GTPBP1: variants seen among roughly 807,000 people sequenced by gnomAD.
The protein encoded by GTPBP1 is GTP-binding protein 1.
Under a neutral mutation model 62.0 loss-of-function variants are expected in GTPBP1, and 23 were observed. The ratio of observed to expected loss-of-function variants is 0.37; its 90% CI spans 0.27 to 0.53. The LOEUF (loss-of-function observed/expected upper bound fraction) is 0.53. Ranked by LOEUF, GTPBP1 falls within the 20% of genes least tolerant of loss-of-function variation. The pLI is 0.89. For synonymous variants in GTPBP1, 344 were observed against 364.4 expected, an observed-to-expected ratio of 0.94 and a Z score of 0.64; for missense variants, 640 against 917.3, an observed-to-expected ratio of 0.70 and a Z score of 3.90.
intron 1 of GTPBP1, among the ~76,000 whole-genome samples, 153 bp downstream of exon 1, chr22:38,706,300 G>T (rs2092603937): frequency 6.6e-6 from 1 of 152,170 alleles, no homozygotes; most frequent in African/African-American, 2.4e-5. Flanking sequence ...TCTCCGGGAC[G>T]TGCGGGGGTT....
downstream of GTPBP1, chr22:38,741,480 G>A (rs377107390): frequency 1.9e-5 from 31 of 1,613,094 alleles, no homozygotes; most frequent in Middle Eastern, 1.6e-4. Context: ...CCTGAGTGCC[G>A]CAAGCCCGCT....
downstream of GTPBP1, chr22:38,736,595 C>CA (rs1464820889): frequency 2.4e-6 from 1 of 419,712 alleles, no homozygotes; most frequent in Non-Finnish European, 4.2e-6. Flanking sequence ...TAGCACACTT[C>CA]ATCTGAAACC....
chr22:38,725,853 T>G, intron 6 of GTPBP1, 153 bp from the exon 7 acceptor site: 1 of 719,038 alleles, frequency 1.4e-6, no homozygotes, highest in Non-Finnish European at 2.4e-6. Context: ...GGCAAAGAGG[T>G]CAAGCCCTTG....
At chr22:38,721,688 CA>C (rs1473450475) in intron 4 of GTPBP1, 53 bp from the exon 5 acceptor site, 2 of 1,561,572 alleles carry the variant, frequency 1.3e-6, no homozygotes, top group Non-Finnish European at 1.8e-6. Flanking sequence ...TGTGTCCACC[CA>C]GCAGCAATCT....
At chr22:38,725,954 G>A (rs2092724403) in intron 6 of GTPBP1, 52 bp from the exon 7 acceptor site, 2 of 1,577,226 alleles carry the variant, frequency 1.3e-6, no homozygotes, top group East Asian at 4.5e-5. Flanking sequence ...GGCAGGACCT[G>A]GTCTCCTGAG....
At position 38,708,922 on chromosome 22, in the gene GTPBP1, C is replaced by A; in HGVS notation, c.270C>A (p.Cys90Ter). The change falls in exon 2 of 12, where the codon TGC becomes TGA. Residue 90 changes from cysteine to a stop codon, truncating the protein, a stop_gained. Transcript: ENST00000216044. LOFTEE classifies it high-confidence loss of function. ...RQMWERMDEG[C>*]GETIYVIGQG... ...TGTGGGAGAGGATGGACGAGGGATG[C>A]GGAGAGACCATATATGTCATTGGGC... 1 of 1,603,476 alleles carries A rather than the reference C, an allele frequency of 6.2e-7. No homozygotes were observed. The highest frequency in any genetic ancestry group is 8.5e-7 in the Non-Finnish European group (1 of 1,170,254).
chr22:38,729,649 A>G lies in GTPBP1; in HGVS notation c.1904A>G (p.Asn635Ser). 6.7e-7 allele frequency: 1 copy of G among 1,502,394 alleles called. No individual in the cohort carries two copies. Among genetic ancestry groups the G allele is most frequent in the South Asian group, 1.4e-5 (1 of 74,006 alleles). 93.1% of individuals were successfully genotyped at this position (1,502,394 alleles called of 1,614,324 possible). The change falls in exon 11 of 12, where the codon AAT becomes AGT. Residue 635 changes from asparagine to serine, a missense_variant. Physicochemically the swap from Asn to Ser is conservative, Grantham distance 46. This residue lies in a region of GTPBP1 where 117 missense variants were observed against 107.1 expected (regional missense o/e 1.09). Transcript: ENST00000216044. ...VGAGQPAASS[N>S]LQPQPKPSSG... ...GCAGGGCAACCAGCTGCGTCCAGCA[A>G]TCTCCAGCCTCAGGTGAGCACGGGC...
chr22:38,721,369 T>C (rs1191043090), intron 4 of GTPBP1, among the ~76,000 whole-genome samples: 2 of 152,042 alleles, frequency 1.3e-5, no homozygotes, highest in Admixed American at 6.6e-5. Context: ...TGAGCCACCG[T>C]GCCCAGCCTT....
intron 4 of GTPBP1, among the ~76,000 whole-genome samples, chr22:38,721,277 C>T (rs2092699217): frequency 6.6e-6 from 1 of 152,204 alleles, no homozygotes; most frequent in Non-Finnish European, 1.5e-5. Context: ...AGGGTTTCTC[C>T]ATGTTGTTCA....
chr22:38,708,697 C>T, intron 1 of GTPBP1, 148 bp from the exon 2 acceptor site: 2 of 601,044 alleles, frequency 3.3e-6, no homozygotes, highest in South Asian at 3.9e-5. Context: ...TCAGGAGAAG[C>T]AGAGAGGGCA....
At chr22:38,717,764 G>C (rs2092678839) in intron 4 of GTPBP1, among the ~76,000 whole-genome samples, 1 of 152,180 alleles carries the variant, frequency 6.6e-6, no homozygotes, top group African/African-American at 2.4e-5. Flanking sequence ...TCCCTGGACA[G>C]ACAGTGGGAG....
chr22:38,723,643 G>T, intron 5 of GTPBP1: 1 of 433,738 alleles, frequency 2.3e-6, no homozygotes, highest in Non-Finnish European at 4.1e-6. Context: ...CCTCTTCCTT[G>T]TTCCTTCTGG....
chr22:38,733,810 G>A (rs2092777798), downstream of GTPBP1, among the ~76,000 whole-genome samples: 1 of 152,236 alleles, frequency 6.6e-6, no homozygotes, highest in African/African-American at 2.4e-5. Context: ...CATGGAGCCG[G>A]CAGTGTGAGG....
chr22:38,706,689 C>T (rs957478445), intron 1 of GTPBP1: 1 of 152,366 alleles, frequency 6.6e-6, no homozygotes, highest in Non-Finnish European at 1.5e-5. Context: ...AGTAGTCGCT[C>T]AGCTGGGGAG....
At chr22:38,739,351 C>G, downstream of GTPBP1, 1 of 1,613,084 alleles carries the variant, frequency 6.2e-7, no homozygotes, top group Non-Finnish European at 8.5e-7. The surrounding 1 kb of genome is among the most constrained non-coding windows in gnomAD (Gnocchi z 6.7). Context: ...CCTCCTGACT[C>G]CAGGGCGTAG....
intron 2 of GTPBP1, 63 bp from the exon 3 acceptor site, chr22:38,715,844 C>A: frequency 7.8e-6 from 11 of 1,412,096 alleles, no homozygotes; most frequent in Non-Finnish European, 1.1e-5. Context: ...TCCTGGCTGG[C>A]TGGTTGGCAG....
chr22:38,742,290 C>G (rs1248834502), downstream of GTPBP1: 1 of 1,586,512 alleles, frequency 6.3e-7, no homozygotes, highest in South Asian at 1.1e-5. Context: ...CTGAGGTATT[C>G]CACCTCCTAC....
At chr22:38,741,459 C>G (rs763812482), downstream of GTPBP1, 5 of 1,597,780 alleles carry the variant, frequency 3.1e-6, no homozygotes, top group South Asian at 3.3e-5. Flanking sequence ...GGTCAGGACC[C>G]AGTCACAGGC....
intron 10 of GTPBP1, chr22:38,729,150 A>C: frequency 8.8e-6 from 2 of 227,728 alleles, no homozygotes; most frequent in Non-Finnish European, 1.7e-5. Context: ...GGTGGGAGCA[A>C]GGTTCACCAA....
Sources: allele counts gnomAD v4.1 joint callset (sites outside exome capture counted in the v4.1 genomes callset), GRCh38; gene constraint gnomAD v4.1.1; regional missense constraint gnomAD v4.1.1; non-coding constraint Gnocchi (gnomAD v3.1); transcripts MANE v1.5; gene names NCBI Gene and HGNC (gene_info 2026-07-23, HGNC 2026-07-21).